Variants in ZNF609 observed in about 807,000 individuals in gnomAD.
ZNF609 encodes the protein zinc finger protein 609.
A neutral mutation model predicts 109.5 loss-of-function variants in ZNF609; 11 were observed. That is an observed-to-expected ratio of 0.10 (90% CI 0.06 to 0.17). The LOEUF is 0.17. Among genes scored for constraint, ZNF609 ranks in the 10% least tolerant of loss-of-function variants. ZNF609 has a pLI of 1.00. For synonymous variants in ZNF609, 646 were observed against 662.0 expected, an observed-to-expected ratio of 0.98 and a Z score of 0.37; for missense variants, 1,559 against 1,772.4, an observed-to-expected ratio of 0.88 and a Z score of 2.16.
chr15:64,625,657 G>A (rs1022435898), intron 3 of ZNF609, among the ~76,000 whole-genome samples: 8 of 151,766 alleles, frequency 5.3e-5, no homozygotes, highest in South Asian at 2.1e-4. Context: ...TTAGGAGGCC[G>A]AGGCGGGCGG....
intron 3 of ZNF609, chr15:64,631,093 A>AT (rs1028889710): frequency 1.7e-4 from 77 of 461,394 alleles, no homozygotes; most frequent in Non-Finnish European, 1.8e-4. Context: ...GAGGTCTTTT[A>AT]TTTTTTTAAC....
intron 3 of ZNF609, among the ~76,000 whole-genome samples, chr15:64,649,828 C>T (rs539703642): frequency 2.6e-5 from 4 of 152,150 alleles, no homozygotes; most frequent in South Asian, 2.1e-4. Flanking sequence ...CCCTAGCCCA[C>T]CTAGTTCTGC....
In ZNF609 at chr15:64,637,211, A is replaced by G. The variant is rs559810832; in HGVS notation, c.973+14159A>G. On this transcript the variant is annotated intron_variant, in intron 3 of 9. Coordinates refer to ENST00000326648, the MANE Select transcript of ZNF609 (RefSeq NM_015042.2). ...AACATTGTGCCAGTGAGATTCATCC[A>G]TATTGTTACATGTTGTTAAACTTTG... is the stretch of plus-strand genomic sequence containing the variant. Among the ~76,000 whole-genome samples, 6 of 152,284 alleles carry G rather than the reference A, an allele frequency of 3.9e-5. No homozygotes were observed. The East Asian group carries it at 1.2e-3, about 29-fold the overall frequency.
At chr15:64,498,119 A>G in intron 1 of ZNF609, among the ~76,000 whole-genome samples, 1 of 151,892 alleles carries the variant, frequency 6.6e-6, no homozygotes, top group East Asian at 1.9e-4. Context: ...GTGTGATTTC[A>G]GCTCACTACA....
chr15:64,630,876 T>C (rs1159213568), intron 3 of ZNF609, among the ~76,000 whole-genome samples: 4 of 152,240 alleles, frequency 2.6e-5, no homozygotes. Context: ...AAATATTTCA[T>C]AAATAATATT....
chr15:64,645,020 C>CCTTCCTTCCTTT (rs1174990259), intron 3 of ZNF609, among the ~76,000 whole-genome samples: 3 of 134,686 alleles, frequency 2.2e-5, no homozygotes, highest in Non-Finnish European at 4.8e-5. Context: ...TTCCTTCCTT[C>CCTTCCTTCCTTT]CTTCCTTCCT....
chr15:64,675,563 T>A lies in ZNF609; in HGVS notation c.2709T>A (p.Tyr903Ter). The change falls in exon 5 of 10, where the codon TAT becomes TAA. Residue 903 changes from tyrosine (Y) to a stop codon, truncating the protein, a stop_gained. Coordinates refer to ENST00000326648, the MANE Select transcript of ZNF609 (RefSeq NM_015042.2). LOFTEE classifies it high-confidence loss of function. Reference protein sequence around the residue: ...QGFESYYSPSYAQSSPGALNP... With the variant: ...QGFESYYSPS ...TTGAGAGTTACTATTCTCCAAGTTA[T>A]GCACAGTCCAGCCCTGGGGCTCTGA... The A allele has an allele frequency of 6.2e-7, 1 of 1,614,170 alleles. No individual in the cohort carries two copies. Among genetic ancestry groups the A allele is most frequent in the Non-Finnish European group, 8.5e-7 (1 of 1,180,038 alleles).
chr15:64,573,393 C>T (rs965501551), intron 2 of ZNF609, among the ~76,000 whole-genome samples: 22 of 110,072 alleles, frequency 2.0e-4, no homozygotes, highest in African/African-American at 7.6e-4. Context: ...CTTGCTCTGT[C>T]GCCCAGGCTG....
At chr15:64,469,902 G>T (rs1893070754) in intron 1 of ZNF609, among the ~76,000 whole-genome samples, 1 of 152,160 alleles carries the variant, frequency 6.6e-6, no homozygotes, top group Admixed American at 6.5e-5. Context: ...CTATCAATAA[G>T]AAGTAACTTT....
chr15:64,496,168 G>A (rs932850029), intron 1 of ZNF609, among the ~76,000 whole-genome samples: 1 of 152,092 alleles, frequency 6.6e-6, no homozygotes, highest in Non-Finnish European at 1.5e-5. Flanking sequence ...TGTTTATCAT[G>A]CATCCTGCAG....
intron 2 of ZNF609, among the ~76,000 whole-genome samples, chr15:64,607,364 C>T (rs1191060330): frequency 6.6e-6 from 1 of 151,976 alleles, no homozygotes. Context: ...GGCTGATTTT[C>T]TTTGTATACT....
At chr15:64,677,310 G>A (rs1244516562) in intron 5 of ZNF609, among the ~76,000 whole-genome samples, 4 of 152,070 alleles carry the variant, frequency 2.6e-5, no homozygotes, top group East Asian at 1.9e-4. Context: ...CAATCCTCGC[G>A]CCTCAGCCTC....
intron 3 of ZNF609, among the ~76,000 whole-genome samples, chr15:64,661,154 G>GT (rs1896569608): frequency 6.6e-6 from 1 of 152,084 alleles, no homozygotes; most frequent in Non-Finnish European, 1.5e-5. Context: ...TAGAGACAGG[G>GT]TTTCACCATG....
intron 1 of ZNF609, among the ~76,000 whole-genome samples, chr15:64,475,004 G>C (rs1397560892): frequency 6.6e-6 from 1 of 151,076 alleles, no homozygotes; most frequent in African/African-American, 2.4e-5. Context: ...ATGTTTCCCT[G>C]GCTGGCCTCA....
chr15:64,477,200 G>T (rs1288805462), intron 1 of ZNF609, among the ~76,000 whole-genome samples: 2 of 147,510 alleles, frequency 1.4e-5, no homozygotes, highest in Admixed American at 6.8e-5. Flanking sequence ...GAGTGCAGTG[G>T]CGTGATCTTG....
chr15:64,671,651 G>A (rs1268508507), intron 4 of ZNF609, among the ~76,000 whole-genome samples: 3 of 152,044 alleles, frequency 2.0e-5, no homozygotes, highest in South Asian at 2.1e-4. Context: ...TACTCAGTTC[G>A]TCAGGGTTTG....
At chr15:64,540,384 T>C (rs889402612) in intron 2 of ZNF609, among the ~76,000 whole-genome samples, 1 of 152,028 alleles carries the variant, frequency 6.6e-6, no homozygotes, top group Non-Finnish European at 1.5e-5. Flanking sequence ...TACAGATAGG[T>C]TTTTTTGTGT....
intron 1 of ZNF609, among the ~76,000 whole-genome samples, chr15:64,487,924 G>A (rs991098371): frequency 6.6e-6 from 1 of 152,096 alleles, no homozygotes; most frequent in African/African-American, 2.4e-5. Context: ...GTGAACCACC[G>A]CACCCAGCCA....
At chr15:64,642,239 A>G (rs1896271417) in intron 3 of ZNF609, among the ~76,000 whole-genome samples, 1 of 152,104 alleles carries the variant, frequency 6.6e-6, no homozygotes, top group Admixed American at 6.6e-5. Flanking sequence ...GTTGGAGTGC[A>G]GTGGTGCAAT....
Sources: allele counts gnomAD v4.1 joint callset (sites outside exome capture counted in the v4.1 genomes callset), GRCh38; gene constraint gnomAD v4.1.1; transcripts MANE v1.5; gene names NCBI Gene and HGNC (gene_info 2026-07-23, HGNC 2026-07-21).